THSD7B: variants seen among roughly 807,000 people sequenced by gnomAD.
THSD7B encodes the protein thrombospondin type-1 domain-containing protein 7B.
In THSD7B, 138 loss-of-function variants were observed where a neutral mutation model predicts 213.6. The observed-to-expected ratio is 0.65, with a 90% confidence interval of 0.56 to 0.74. THSD7B has a LOEUF of 0.74. Among genes scored for constraint, THSD7B ranks in the 30% least tolerant of loss-of-function variants. THSD7B has a pLI of 0.00. For missense variants in THSD7B, 1,931 were observed against 1,991.5 expected, an observed-to-expected ratio of 0.97 and a Z score of 0.58; for synonymous variants, 742 against 687.0, an observed-to-expected ratio of 1.08 and a Z score of -1.25.
At chr2:136,865,266 G>A (rs1216718996) in intron 1 of THSD7B, among the ~76,000 whole-genome samples, 2 of 152,330 alleles carry the variant, frequency 1.3e-5, no homozygotes, top group East Asian at 3.9e-4. Context: ...GGCTGGACAT[G>A]TTTGGCTGAG....
Position 137,576,716 on chromosome 2 carries a change from TG to T in THSD7B, c.3423+4161del, listed in dbSNP as rs1179397710. Among the ~76,000 whole-genome samples the T allele has an allele frequency of 1.2e-4, 18 of 152,140 alleles. No homozygotes were observed. In the South Asian group the frequency reaches 3.7e-3, roughly 32 times the overall value. The stretch of plus-strand genomic sequence containing the variant: ...CCATTATTTCTTCAGGCAAATGCCC[TG>T]CTTTAGAAGAGAAAGAGAAATGCAT... On this transcript the variant is annotated intron_variant, in intron 17 of 27. Transcript: ENST00000409968.
intron 12 of THSD7B, among the ~76,000 whole-genome samples, chr2:137,355,599 T>G (rs10180921): frequency 0.013 from 1,970 of 152,078 alleles, 52 homozygotes; most frequent in African/African-American, 0.045. Context: ...AACACAGGAG[T>G]ATGCAATTCC....
intron 17 of THSD7B, among the ~76,000 whole-genome samples, chr2:137,606,392 G>A (rs1682178115): frequency 1.3e-5 from 2 of 152,220 alleles, no homozygotes; most frequent in South Asian, 4.1e-4. Flanking sequence ...AGTGACTTTG[G>A]CTAACCTGAG....
At position 136,856,736 on chromosome 2, in the gene THSD7B, G is replaced by A. The variant is rs368902234; in HGVS notation, c.-35-25408G>A. On this transcript the variant is annotated intron_variant, in intron 1 of 27. Transcript: ENST00000409968. ...TCACCATGTTGGCCAGGCTGGTCTT[G>A]AACTACTGACCTCAGGTGATCTGCC... 3.3e-5 allele frequency among the ~76,000 whole-genome samples: 5 copies of A among 152,070 alleles called. No individual in the cohort carries two copies. The East Asian group carries it at 7.7e-4, about 23-fold the overall frequency.
chr2:136,860,565 A>G (rs923124323), intron 1 of THSD7B, among the ~76,000 whole-genome samples: 2 of 152,194 alleles, frequency 1.3e-5, no homozygotes, highest in African/African-American at 4.8e-5. Flanking sequence ...TGTGTCTAAC[A>G]TGTTGGAGTC....
At chr2:137,273,077 A>G (rs1682786575) in intron 11 of THSD7B, among the ~76,000 whole-genome samples, 1 of 149,570 alleles carries the variant, frequency 6.7e-6, no homozygotes, top group South Asian at 2.1e-4. Context: ...CACAGGTGGT[A>G]ACTTACCTTC....
intron 1 of THSD7B, among the ~76,000 whole-genome samples, chr2:136,793,837 A>G (rs150946088): frequency 1.1e-3 from 161 of 151,896 alleles, no homozygotes; most frequent in African/African-American, 3.6e-3. Context: ...ATAAGGGAGT[A>G]TGTTTAAGCT....
chr2:137,318,555 GA>G (rs1684184036), intron 12 of THSD7B, among the ~76,000 whole-genome samples: 1 of 152,030 alleles, frequency 6.6e-6, no homozygotes, highest in African/African-American at 2.4e-5. Context: ...GCAGGGCACT[GA>G]AACAGAGGAC....
chr2:137,135,304 C>A (rs545301704), intron 5 of THSD7B, among the ~76,000 whole-genome samples: 3 of 152,224 alleles, frequency 2.0e-5, no homozygotes, highest in South Asian at 4.1e-4. Flanking sequence ...TTCTTCTGAG[C>A]TTTAGCCCTT....
Position 137,656,879 on chromosome 2 carries a change from C to A in THSD7B, c.4189C>A (p.Arg1397Ser), listed in dbSNP as rs375009416. 1 of 1,613,920 alleles carries A rather than the reference C, an allele frequency of 6.2e-7. No individual in the cohort carries two copies. The highest frequency in any genetic ancestry group is 2.2e-5 in the East Asian group (1 of 44,882). ...IDGRSFETVGRQSRSRTFIIQ... is the reference protein window; with the variant it reads ...IDGRSFETVGSQSRSRTFIIQ... ...TGGAAGAAGCTTTGAGACTGTGGGCCGCCAGTCTAGATCAAGGACTTTTAT... is the reference window on the plus strand; with the variant it reads ...TGGAAGAAGCTTTGAGACTGTGGGCAGCCAGTCTAGATCAAGGACTTTTAT... The change falls in exon 23 of 28, where the codon CGC becomes AGC. Residue 1397 changes from arginine to serine, a missense_variant. Coordinates refer to ENST00000409968, the MANE Select transcript of THSD7B (RefSeq NM_001316349.2).
intron 15 of THSD7B, among the ~76,000 whole-genome samples, chr2:137,483,525 C>A (rs112502006): frequency 6.6e-6 from 1 of 152,168 alleles, no homozygotes; most frequent in African/African-American, 2.4e-5. Flanking sequence ...CTAACTCTTA[C>A]CCTGAAGGCA....
At chr2:137,049,552 C>T (rs1237523668) in intron 2 of THSD7B, among the ~76,000 whole-genome samples, 2 of 152,092 alleles carry the variant, frequency 1.3e-5, no homozygotes, top group South Asian at 2.1e-4. Flanking sequence ...ATAAACCATG[C>T]CTATTACTAT....
chr2:137,261,681 TAGAG>T (rs532381272), intron 10 of THSD7B, among the ~76,000 whole-genome samples: 31 of 152,126 alleles, frequency 2.0e-4, no homozygotes, highest in African/African-American at 6.8e-4. Flanking sequence ...ATAAAAGAGA[TAGAG>T]AGTGTCTATC....
chr2:137,211,331 TACACACAC>T (rs1224147467), intron 7 of THSD7B, among the ~76,000 whole-genome samples: 1 of 6,262 alleles, frequency 1.6e-4, no homozygotes, highest in Admixed American at 1.6e-3. Flanking sequence ...CTATCCTTCC[TACACACAC>T]ACACACACAC....
chr2:136,833,683 GT>G (rs1682796651), intron 1 of THSD7B, among the ~76,000 whole-genome samples: 1 of 152,002 alleles, frequency 6.6e-6, no homozygotes, highest in Non-Finnish European at 1.5e-5. Context: ...AGAAGGGGGT[GT>G]TTTTCACTCA....
chr2:137,124,209 G>A (rs572534628), intron 5 of THSD7B, among the ~76,000 whole-genome samples: 2 of 152,282 alleles, frequency 1.3e-5, no homozygotes, highest in South Asian at 4.1e-4. Flanking sequence ...CAGCTGAACT[G>A]GATTTTTCTC....
chr2:136,911,655 G>C (rs982668734), intron 2 of THSD7B, among the ~76,000 whole-genome samples: 1 of 152,178 alleles, frequency 6.6e-6, no homozygotes, highest in East Asian at 1.9e-4. Context: ...CTGCTGTATA[G>C]CAAGATTGTA....
At chr2:137,252,249 A>G (rs2105074167) in intron 10 of THSD7B, among the ~76,000 whole-genome samples, 1 of 126,488 alleles carries the variant, frequency 7.9e-6, no homozygotes, top group South Asian at 2.8e-4. Flanking sequence ...CCTGGGTGAC[A>G]GAGCGAGACT....
intron 4 of THSD7B, among the ~76,000 whole-genome samples, chr2:137,114,522 G>T (rs114267556): frequency 6.6e-6 from 1 of 152,152 alleles, no homozygotes; most frequent in Non-Finnish European, 1.5e-5. Flanking sequence ...CAGTATGGCT[G>T]CATATGTAAA....
Sources: allele counts gnomAD v4.1 joint callset (sites outside exome capture counted in the v4.1 genomes callset), GRCh38; gene constraint gnomAD v4.1.1; transcripts MANE v1.5; gene names NCBI Gene and HGNC (gene_info 2026-07-23, HGNC 2026-07-21).